Variants in NSMCE2 observed in about 807,000 individuals in gnomAD.
The protein encoded by NSMCE2 is NSE2 SUMO ligase component of SMC5/6 complex.
Under a neutral mutation model 23.8 loss-of-function variants are expected in NSMCE2, and 24 were observed. The observed-to-expected ratio is 1.01, with a 90% confidence interval of 0.73 to 1.42. The LOEUF (loss-of-function observed/expected upper bound fraction) is 1.42, where lower values mean the gene tolerates loss of function less well. NSMCE2 is among the 40% of genes most tolerant of loss of function. The pLI, the probability that NSMCE2 is intolerant of heterozygous loss-of-function variation, is 0.00. For missense variants in NSMCE2, 284 were observed against 296.5 expected, an observed-to-expected ratio of 0.96 and a Z score of 0.31; for synonymous variants, 92 against 94.1, an observed-to-expected ratio of 0.98 and a Z score of 0.13.
At chr8:125,110,740 TTAGA>T (rs1357679288) in intron 3 of NSMCE2, among the ~76,000 whole-genome samples, 2 of 151,636 alleles carry the variant, frequency 1.3e-5, no homozygotes, top group African/African-American at 4.9e-5. Context: ...GACGTTTTGC[TTAGA>T]TAATTTTGGT....
chr8:125,229,891 G>A (rs944203783), intron 5 of NSMCE2, among the ~76,000 whole-genome samples: 4 of 151,872 alleles, frequency 2.6e-5, no homozygotes, highest in Non-Finnish European at 1.5e-5. Context: ...GAAATACTTA[G>A]GATTGTTAAC....
chr8:125,095,660 C>T (rs1406552950), intron 1 of NSMCE2, among the ~76,000 whole-genome samples: 3 of 151,680 alleles, frequency 2.0e-5, no homozygotes, highest in African/African-American at 7.3e-5. Flanking sequence ...TTTGGGAGGC[C>T]GAGGCCGGTG....
At chr8:125,343,068 T>C (rs997415399) in intron 5 of NSMCE2, among the ~76,000 whole-genome samples, 3 of 152,180 alleles carry the variant, frequency 2.0e-5, no homozygotes, top group Non-Finnish European at 4.4e-5. Context: ...ATCAAATGCA[T>C]GTAAAAAGGA....
intron 5 of NSMCE2, among the ~76,000 whole-genome samples, chr8:125,293,600 A>G (rs531730830): frequency 2.0e-5 from 3 of 151,538 alleles, no homozygotes; most frequent in South Asian, 2.1e-4. Context: ...GTCATCAAGC[A>G]TACTGATGAG....
At chr8:125,105,946 A>G (rs1006997145) in intron 3 of NSMCE2, among the ~76,000 whole-genome samples, 7 of 152,090 alleles carry the variant, frequency 4.6e-5, no homozygotes, top group African/African-American at 1.4e-4. Flanking sequence ...GTTATATGGG[A>G]AAAAAAGTGA....
At chr8:125,340,126 T>C (rs1216918191) in intron 5 of NSMCE2, among the ~76,000 whole-genome samples, 3 of 146,566 alleles carry the variant, frequency 2.0e-5, no homozygotes, top group Non-Finnish European at 4.5e-5. Flanking sequence ...GCCATTCTCC[T>C]GCCTCAGCCT....
At chr8:125,167,374 T>G (rs1821941243) in intron 4 of NSMCE2, among the ~76,000 whole-genome samples, 1 of 152,040 alleles carries the variant, frequency 6.6e-6, no homozygotes, top group Non-Finnish European at 1.5e-5. Flanking sequence ...TTAAAAGAAT[T>G]GCAAAGTCAA....
At chr8:125,094,949 C>G (rs1460890021) in intron 1 of NSMCE2, among the ~76,000 whole-genome samples, 1 of 152,198 alleles carries the variant, frequency 6.6e-6, no homozygotes, top group Non-Finnish European at 1.5e-5. Flanking sequence ...AACCTCCCGG[C>G]TCAAGCGATC....
At chr8:125,192,073 G>A (rs919375943) in intron 5 of NSMCE2, among the ~76,000 whole-genome samples, 1 of 152,148 alleles carries the variant, frequency 6.6e-6, no homozygotes, top group Admixed American at 6.5e-5. Flanking sequence ...TGAACTCTGG[G>A]TGTTTCTCTC....
intron 5 of NSMCE2, among the ~76,000 whole-genome samples, chr8:125,298,463 C>G (rs1354668774): frequency 6.6e-6 from 1 of 152,160 alleles, no homozygotes; most frequent in Admixed American, 6.5e-5. Flanking sequence ...CGTTTGCAGT[C>G]AAGCAGATTG....
At chr8:125,153,557 A>G (rs940322187) in intron 4 of NSMCE2, among the ~76,000 whole-genome samples, 2 of 152,192 alleles carry the variant, frequency 1.3e-5, no homozygotes, top group African/African-American at 4.8e-5. Flanking sequence ...AATGAACAGC[A>G]GCTTGGGAGG....
intron 5 of NSMCE2, among the ~76,000 whole-genome samples, chr8:125,263,041 A>T (rs73704566): frequency 0.031 from 4,698 of 152,276 alleles, 215 homozygotes; most frequent in African/African-American, 0.11. Context: ...CAGGGACCTC[A>T]TAATGAGGTA....
intron 3 of NSMCE2, among the ~76,000 whole-genome samples, chr8:125,135,208 G>A (rs1348922098): frequency 1.3e-5 from 2 of 152,072 alleles, no homozygotes; most frequent in African/African-American, 4.8e-5. Context: ...GTAACCTGCT[G>A]TGCCTGGCCT....
At chr8:125,196,532 T>G (rs1181131870) in intron 5 of NSMCE2, among the ~76,000 whole-genome samples, 5 of 152,200 alleles carry the variant, frequency 3.3e-5, no homozygotes, top group African/African-American at 9.7e-5. Context: ...GGACATGAAC[T>G]CATCCCTTTT....
At chr8:125,232,350 T>C (rs954343859) in intron 5 of NSMCE2, among the ~76,000 whole-genome samples, 1 of 150,066 alleles carries the variant, frequency 6.7e-6, no homozygotes. Flanking sequence ...GCAACAAGAG[T>C]GAAACTCCGT....
At chr8:125,123,652 A>G (rs983877780) in intron 3 of NSMCE2, among the ~76,000 whole-genome samples, 2 of 148,434 alleles carry the variant, frequency 1.3e-5, no homozygotes, top group Non-Finnish European at 3.0e-5. Context: ...AACATGTCCC[A>G]TGCCAGTCCT....
At chr8:125,096,149 G>A (rs1388747132) in intron 1 of NSMCE2, among the ~76,000 whole-genome samples, 1 of 152,168 alleles carries the variant, frequency 6.6e-6, no homozygotes, top group African/African-American at 2.4e-5. Context: ...CCCTATGCTT[G>A]CCTGCATCAA....
intron 3 of NSMCE2, among the ~76,000 whole-genome samples, chr8:125,146,135 A>G (rs367931800): frequency 6.6e-6 from 1 of 152,192 alleles, no homozygotes; most frequent in South Asian, 2.1e-4. Context: ...GTTTTATGCT[A>G]ACAGATTGCC....
At chr8:125,195,117 A>G (rs1014291183) in intron 5 of NSMCE2, among the ~76,000 whole-genome samples, 8 of 152,160 alleles carry the variant, frequency 5.3e-5, no homozygotes, top group Admixed American at 4.6e-4. Context: ...CAGCTCTCCA[A>G]ATGATTCTCC....
Sources: gnomAD v4.1 joint callset for allele counts (sites outside exome capture counted in the v4.1 genomes callset) on GRCh38, gnomAD v4.1.1 for gene constraint, MANE v1.5 for transcripts, NCBI Gene and HGNC (gene_info 2026-07-23, HGNC 2026-07-21) for gene names.